OR1R1: variants seen among roughly 807,000 people sequenced by gnomAD.
OR1R1 encodes the protein olfactory receptor 1R1.
the OR1R1 span, chr17:3,386,735 G>T: frequency 2.5e-6 from 1 of 398,472 alleles, no homozygotes; most frequent in African/African-American, 2.1e-5. Context: ...TACTCAGCCC[G>T]CTACGACCGC....
At chr17:3,386,377 G>A in the OR1R1 span, 1 of 398,304 alleles carries the variant, frequency 2.5e-6, no homozygotes, top group Non-Finnish European at 4.4e-6. Context: ...TGCGTCGTGG[G>A]CCGTGACGCA....
the OR1R1 span, chr17:3,386,365 C>A: frequency 2.5e-6 from 1 of 398,304 alleles, no homozygotes. Flanking sequence ...CTCGCTGGTG[C>A]GTGCGTCGTG....
chr17:3,386,514 G>A, the OR1R1 span: 2 of 398,280 alleles, frequency 5.0e-6, no homozygotes, highest in Admixed American at 4.4e-5. Flanking sequence ...CGTCCGCCGC[G>A]GAGACGGCCA....
At chr17:3,386,805 T>A in the OR1R1 span, 2 of 398,512 alleles carry the variant, frequency 5.0e-6, no homozygotes, top group Non-Finnish European at 8.8e-6. Context: ...TCAACAGCCT[T>A]CGCAACAAAG....
At chr17:3,386,273 T>C in the OR1R1 span, 167,122 of 398,332 alleles carry the variant, frequency 0.42, 36,097 homozygotes, top group Admixed American at 0.59. Context: ...AGCTACCTCC[T>C]GGCGGCCATG....
At chr17:3,386,602 G>T in the OR1R1 span, 1 of 398,450 alleles carries the variant, frequency 2.5e-6, no homozygotes, top group East Asian at 3.6e-5. Flanking sequence ...TCCTGGTCGC[G>T]GTGCTCGGCT....
the OR1R1 span, chr17:3,386,799 C>G: frequency 2.5e-6 from 1 of 398,520 alleles, no homozygotes; most frequent in African/African-American, 2.1e-5. Flanking sequence ...CTTTCATCAA[C>G]AGCCTTCGCA....
chr17:3,386,439 C>A, the OR1R1 span: 6 of 398,312 alleles, frequency 1.5e-5, no homozygotes, highest in African/African-American at 1.0e-4. Context: ...CCTACCCCTA[C>A]CCCACCCCCG....
the OR1R1 span, chr17:3,386,066 T>C: frequency 2.5e-6 from 1 of 398,784 alleles, no homozygotes; most frequent in Middle Eastern, 6.3e-4. Context: ...CTGAGCATGG[T>C]GGCGCTGGTG....
At chr17:3,386,600 G>T in the OR1R1 span, 1 of 398,490 alleles carries the variant, frequency 2.5e-6, no homozygotes, top group Non-Finnish European at 4.4e-6. Context: ...CATCCTGGTC[G>T]CGGTGCTCGG....
At chr17:3,386,594 C>T in the OR1R1 span, 1 of 398,470 alleles carries the variant, frequency 2.5e-6, no homozygotes, top group Non-Finnish European at 4.4e-6. Flanking sequence ...CGCGCGCATC[C>T]TGGTCGCGGT....
At chr17:3,386,423 C>A in the OR1R1 span, 1 of 398,560 alleles carries the variant, frequency 2.5e-6, no homozygotes, top group Non-Finnish European at 4.4e-6. Flanking sequence ...CTCCTCTCCG[C>A]GCTCTCCTAC....
chr17:3,386,858 C>G, the OR1R1 span: 1 of 398,600 alleles, frequency 2.5e-6, no homozygotes, highest in Non-Finnish European at 4.4e-6. Context: ...TGGAGGGCTG[C>G]ACCCCAAGAG....
the OR1R1 span, chr17:3,386,376 G>A: frequency 2.5e-6 from 1 of 398,276 alleles, no homozygotes; most frequent in Middle Eastern, 6.3e-4. Flanking sequence ...GTGCGTCGTG[G>A]GCCGTGACGC....
At chr17:3,386,442 C>T in the OR1R1 span, 1 of 398,368 alleles carries the variant, frequency 2.5e-6, no homozygotes, top group Admixed American at 4.4e-5. Context: ...ACCCCTACCC[C>T]ACCCCCGTGC....
the OR1R1 span, chr17:3,386,744 G>A: frequency 1.0e-5 from 4 of 398,578 alleles, no homozygotes; most frequent in African/African-American, 6.2e-5. Flanking sequence ...CGCTACGACC[G>A]CCTGGCCAGC....
chr17:3,386,652 C>A, the OR1R1 span: 1 of 384,980 alleles, frequency 2.6e-6, no homozygotes, highest in African/African-American at 2.2e-5. Flanking sequence ...CCTGCGGGGC[C>A]CACCTAGTGG....
chr17:3,386,282 T>C, the OR1R1 span: 2 of 398,218 alleles, frequency 5.0e-6, no homozygotes, highest in Non-Finnish European at 4.4e-6. Flanking sequence ...CTGGCGGCCA[T>C]GTCCTACGAC....
At chr17:3,386,092 C>G in the OR1R1 span, 57 of 398,772 alleles carry the variant, frequency 1.4e-4, no homozygotes. Context: ...CGACGGGGCC[C>G]TCCGCTCCCC....
Sources: allele counts gnomAD v4.1 joint callset, GRCh38; gene constraint gnomAD v4.1.1; transcripts MANE v1.5; gene names NCBI Gene and HGNC (gene_info 2026-07-23, HGNC 2026-07-21).